Variants in SCOC observed in about 807,000 individuals in gnomAD.
The protein encoded by SCOC is short coiled coil protein.
A neutral mutation model predicts 9.9 loss-of-function variants in SCOC; 7 were observed. The ratio of observed to expected loss-of-function variants is 0.71; its 90% CI spans 0.40 to 1.33. The LOEUF is 1.33. Ranked by LOEUF, SCOC falls within the 40% of genes most tolerant of loss-of-function variation. The pLI is 0.01. For missense variants in SCOC, 66 were observed against 89.7 expected, an observed-to-expected ratio of 0.74 and a Z score of 1.07; for synonymous variants, 19 against 28.2, an observed-to-expected ratio of 0.67 and a Z score of 1.03.
chr4:140,337,334 T>G (rs1173840902), intron 1 of SCOC, among the ~76,000 whole-genome samples: 2 of 152,182 alleles, frequency 1.3e-5, no homozygotes, highest in Non-Finnish European at 2.9e-5. Flanking sequence ...ATCCACAAAT[T>G]CATAAGGAAC....
intron 2 of SCOC, among the ~76,000 whole-genome samples, chr4:140,362,295 TC>T (rs1264917058): frequency 3.9e-5 from 1 of 25,774 alleles, no homozygotes; most frequent in Non-Finnish European, 7.3e-5. Context: ...TTCTTCTTCT[TC>T]TTCTTTTTTT....
intron 1 of SCOC, among the ~76,000 whole-genome samples, chr4:140,277,650 T>A (rs1016570767): frequency 6.6e-6 from 1 of 152,112 alleles, no homozygotes; most frequent in African/African-American, 2.4e-5. Context: ...ACAAAGAGAG[T>A]ATTATTTTCC....
intron 1 of SCOC, among the ~76,000 whole-genome samples, chr4:140,281,137 C>T (rs1375786740): frequency 6.6e-6 from 1 of 152,070 alleles, no homozygotes; most frequent in African/African-American, 2.4e-5. Context: ...GCAAGCAGAG[C>T]GTGTTCCTCT....
At chr4:140,343,745 C>T in intron 2 of SCOC, 5 of 1,363,038 alleles carry the variant, frequency 3.7e-6, no homozygotes, top group Non-Finnish European at 5.2e-6. Context: ...AACATACATT[C>T]AACAACAGCT....
intron 1 of SCOC, among the ~76,000 whole-genome samples, chr4:140,333,851 T>C (rs1732884831): frequency 6.6e-6 from 1 of 152,206 alleles, no homozygotes; most frequent in Non-Finnish European, 1.5e-5. Context: ...TGTTGTTATG[T>C]TGAATTAGGA....
Position 140,382,794 on chromosome 4 carries a change from G to A in SCOC, c.*1690G>A, listed in dbSNP as rs1358987083. 2 of 152,188 alleles carry A rather than the reference G, an allele frequency of 1.3e-5. No homozygotes were observed. Among genetic ancestry groups the A allele is most frequent in the Non-Finnish European group, 2.9e-5 (2 of 67,990 alleles). 9.4% of individuals were successfully genotyped at this position (152,188 alleles called of 1,614,324 possible). On this transcript the variant is annotated 3_prime_UTR_variant, in exon 4 of 4. Transcript: ENST00000608372. ...ACTCAAAGGATCCAGTATCTCCAGG[G>A]AAAAAGGAAGTTGTATTTTTTAGGG...
intron 1 of SCOC, among the ~76,000 whole-genome samples, chr4:140,288,780 G>A (rs1031540752): frequency 4.6e-5 from 7 of 151,224 alleles, no homozygotes; most frequent in East Asian, 1.9e-4. Flanking sequence ...TACCCCCTAC[G>A]CATACCACAC....
At chr4:140,269,517 T>C (rs1730798034) in intron 1 of SCOC, among the ~76,000 whole-genome samples, 1 of 152,120 alleles carries the variant, frequency 6.6e-6, no homozygotes, top group African/African-American at 2.4e-5. Context: ...ATCAGCCATA[T>C]AAATGAATCA....
intron 1 of SCOC, chr4:140,373,944 C>T (rs1377737028): frequency 2.9e-6 from 2 of 689,394 alleles, no homozygotes; most frequent in East Asian, 2.8e-5. Flanking sequence ...CAGGCCCAGG[C>T]GTTCTTTGGG....
At chr4:140,375,716 C>T (rs942853486) in intron 1 of SCOC, among the ~76,000 whole-genome samples, 1 of 152,178 alleles carries the variant, frequency 6.6e-6, no homozygotes, top group African/African-American at 2.4e-5. Context: ...CGTTCTGCCT[C>T]CTGGACTTAA....
At chr4:140,279,377 C>T (rs1731052077) in intron 1 of SCOC, among the ~76,000 whole-genome samples, 1 of 152,158 alleles carries the variant, frequency 6.6e-6, no homozygotes, top group East Asian at 1.9e-4. Flanking sequence ...ACTACAAGGG[C>T]CATGAAAGCA....
At chr4:140,268,233 A>G (rs1730772191) in intron 1 of SCOC, among the ~76,000 whole-genome samples, 2 of 152,236 alleles carry the variant, frequency 1.3e-5, no homozygotes, top group South Asian at 4.1e-4. Context: ...TTACTGTCGC[A>G]TTCTTGGGCC....
intron 1 of SCOC, among the ~76,000 whole-genome samples, chr4:140,323,710 A>G (rs185698308): frequency 6.6e-6 from 1 of 152,312 alleles, no homozygotes; most frequent in Admixed American, 6.5e-5. Flanking sequence ...GAATACTCCA[A>G]TATTTATTAA....
chr4:140,374,359 G>A (rs1458762495), intron 1 of SCOC: 2 of 346,610 alleles, frequency 5.8e-6, no homozygotes, highest in Non-Finnish European at 1.1e-5. Context: ...ACACTATTAC[G>A]CAACAATAAG....
chr4:140,313,075 G>C (rs1732200765), intron 1 of SCOC, among the ~76,000 whole-genome samples: 1 of 152,166 alleles, frequency 6.6e-6, no homozygotes, highest in Non-Finnish European at 1.5e-5. Context: ...GAAAGCCCAT[G>C]TGAGAGGTAC....
chr4:140,357,747 G>C (rs1451670117), intron 2 of SCOC, among the ~76,000 whole-genome samples: 1 of 152,232 alleles, frequency 6.6e-6, no homozygotes, highest in African/African-American at 2.4e-5. Context: ...AGACAGATCA[G>C]AGCTGCCTTT....
At chr4:140,369,242 G>A (rs1727935862), upstream of SCOC, 1 of 446,648 alleles carries the variant, frequency 2.2e-6, no homozygotes, top group Non-Finnish European at 4.5e-6. Context: ...AGTATACTAG[G>A]CTGTAGTATA....
chr4:140,364,667 G>A (rs13139563), intron 2 of SCOC, among the ~76,000 whole-genome samples: 145,783 of 152,310 alleles, frequency 0.96, 69,828 homozygotes, highest in East Asian at 0.99. Context: ...CAGTCTTAAT[G>A]GCTGTACAAC....
intron 1 of SCOC, among the ~76,000 whole-genome samples, chr4:140,287,246 C>T (rs1731306463): frequency 6.7e-6 from 1 of 150,166 alleles, no homozygotes; most frequent in African/African-American, 2.5e-5. Context: ...ACACCATGTA[C>T]ACACATGCTA....
Sources: allele counts gnomAD v4.1 joint callset (sites outside exome capture counted in the v4.1 genomes callset), GRCh38; gene constraint gnomAD v4.1.1; transcripts MANE v1.5; gene names NCBI Gene and HGNC (gene_info 2026-07-23, HGNC 2026-07-21).